The following OPA1 variants were observed in gnomAD, a reference collection of about 807,000 sequenced individuals.
The protein encoded by OPA1 is OPA1 mitochondrial dynamin like GTPase, also known as dynamin-like GTPase OPA1, mitochondrial.
OPA1 carries 59 observed loss-of-function variants against 152.9 expected under a neutral mutation model. That is an observed-to-expected ratio of 0.39 (90% CI 0.31 to 0.48). The LOEUF is 0.48. Among genes scored for constraint, OPA1 ranks in the 20% least tolerant of loss-of-function variants. The pLI is 0.96. For synonymous variants in OPA1, 400 were observed against 389.9 expected (o/e 1.03, Z -0.31); for missense variants, 1,008 against 1,216.8 (o/e 0.83, Z 2.55).
At chr3:193,689,091 TGA>T (rs1721335297) in intron 29 of OPA1, 1 of 152,208 alleles carries the variant, frequency 6.6e-6, no homozygotes, top group Non-Finnish European at 1.5e-5. Context: ...CAAGGTTGTA[TGA>T]GAACCAAATG....
At chr3:193,678,360 T>C (rs1293916729) in intron 29 of OPA1, among the ~76,000 whole-genome samples, 3 of 152,132 alleles carry the variant, frequency 2.0e-5, no homozygotes, top group Non-Finnish European at 4.4e-5. Context: ...CTAGTGTATA[T>C]GCATTGTGGG....
chr3:193,679,282 G>A (rs1719741193), intron 29 of OPA1, among the ~76,000 whole-genome samples: 1 of 141,020 alleles, frequency 7.1e-6, no homozygotes, highest in Non-Finnish European at 1.6e-5. Context: ...GAAAAAAAAG[G>A]TTTCAAAACT....
At chr3:193,642,058 G>A (rs2109034763) in intron 11 of OPA1, among the ~76,000 whole-genome samples, 1 of 152,374 alleles carries the variant, frequency 6.6e-6, no homozygotes, top group South Asian at 2.1e-4. Context: ...GGAGGTTGCA[G>A]TGAGCCGAGA....
intron 9 of OPA1, 55 bp from the exon 10 acceptor site, chr3:193,637,140 T>C (rs1733064887): frequency 2.1e-6 from 2 of 935,008 alleles, no homozygotes; most frequent in South Asian, 1.5e-5. Context: ...ACATCTGTTA[T>C]ATTTTTTTCT....
Position 193,666,282 on chromosome 3 carries a change from A to G in OPA1, c.2779-14A>G, listed in dbSNP as rs1716523877. 1 of 1,607,122 alleles carries G rather than the reference A, an allele frequency of 6.2e-7. No homozygotes were observed. The highest frequency in any genetic ancestry group is 1.1e-5 in the South Asian group (1 of 90,936). On this transcript the variant is annotated splice_polypyrimidine_tract_variant and intron_variant, in intron 27 of 30. Coordinates refer to ENST00000361510, the MANE Select transcript of OPA1 (RefSeq NM_130837.3). ...AACTTTGCATCTGGTAATCTTAGTT[A>G]CTTAATATTTCAGTTGGAATGCAAT...
intron 11 of OPA1, among the ~76,000 whole-genome samples, chr3:193,639,777 G>A (rs1733486131): frequency 1.3e-5 from 2 of 152,258 alleles, no homozygotes; most frequent in South Asian, 4.1e-4. Context: ...GAACCAGGGA[G>A]TCTAGGCTAC....
intron 1 of OPA1, among the ~76,000 whole-genome samples, chr3:193,597,785 C>G (rs953475824): frequency 1.3e-5 from 2 of 151,388 alleles, no homozygotes; most frequent in Non-Finnish European, 2.9e-5. Flanking sequence ...CTTTTTTTCC[C>G]CCTTTTAAGA....
intron 29 of OPA1, among the ~76,000 whole-genome samples, chr3:193,684,507 G>GTGGCAT (rs1720663112): frequency 6.8e-6 from 1 of 146,516 alleles, no homozygotes; most frequent in African/African-American, 2.6e-5. Context: ...CTGGAGTGCA[G>GTGGCAT]TGGCATGATC....
chr3:193,664,336 A>G (rs1716012120), intron 26 of OPA1, among the ~76,000 whole-genome samples: 2 of 152,026 alleles, frequency 1.3e-5, no homozygotes, highest in Admixed American at 6.6e-5. Context: ...ATGTTTTTCT[A>G]GTTAACATTA....
chr3:193,629,513 A>G (rs1239390591), intron 7 of OPA1, among the ~76,000 whole-genome samples: 2 of 151,852 alleles, frequency 1.3e-5, no homozygotes, highest in Non-Finnish European at 1.5e-5. Context: ...CCTGGCTAAC[A>G]TGGTGAAACC....
At chr3:193,611,841 TTTTC>T (rs768851607) in intron 1 of OPA1, among the ~76,000 whole-genome samples, 5 of 120,190 alleles carry the variant, frequency 4.2e-5, no homozygotes, top group African/African-American at 1.2e-4. Flanking sequence ...TCATCTTTTC[TTTTC>T]TTTTTTTTTT....
At chr3:193,632,717 T>A (rs1732285054) in intron 8 of OPA1, among the ~76,000 whole-genome samples, 1 of 151,662 alleles carries the variant, frequency 6.6e-6, no homozygotes, top group Non-Finnish European at 1.5e-5. Context: ...AAAATTTTTT[T>A]AAAAATTAGC....
chr3:193,626,240 A>G (rs763434515), intron 7 of OPA1, 38 bp downstream of exon 7: 15 of 1,407,944 alleles, frequency 1.1e-5, no homozygotes, highest in Middle Eastern at 1.8e-4. Flanking sequence ...ATACATTCAC[A>G]CTAATCAGCC....
At chr3:193,686,585 T>C (rs1481179101) in intron 29 of OPA1, among the ~76,000 whole-genome samples, 1 of 152,216 alleles carries the variant, frequency 6.6e-6, no homozygotes, top group East Asian at 1.9e-4. Flanking sequence ...GAATCTTGAG[T>C]GTAGTCTCTT....
Position 193,641,028 on chromosome 3 carries a change from C to T in OPA1, c.1150-1737C>T, listed in dbSNP as rs145135443. The stretch of plus-strand genomic sequence containing the variant: ...AGACTTTACATATCCATTTTACTAC[C>T]GATGGGAATTTGGGGTACATCTAAC... On this transcript the variant is annotated intron_variant, in intron 11 of 30. Transcript: ENST00000361510. Among the ~76,000 whole-genome samples the T allele has an allele frequency of 1.1e-4, 17 of 152,062 alleles. No homozygotes were observed. The East Asian group carries it at 2.5e-3, about 23-fold the overall frequency.
intron 1 of OPA1, among the ~76,000 whole-genome samples, chr3:193,594,081 T>TA (rs2108760142): frequency 6.6e-6 from 1 of 152,338 alleles, no homozygotes; most frequent in South Asian, 2.1e-4. Context: ...CAATCATTGT[T>TA]GCCCTGGGGT....
chr3:193,648,332 G>A (rs111583399), intron 20 of OPA1, 198 bp downstream of exon 20: 1 of 496,254 alleles, frequency 2.0e-6, no homozygotes, highest in African/African-American at 1.9e-5. Flanking sequence ...ATTAAAAATG[G>A]ATTATAAGAT....
At chr3:193,678,563 G>C (rs1279655466) in intron 29 of OPA1, among the ~76,000 whole-genome samples, 1 of 152,024 alleles carries the variant, frequency 6.6e-6, no homozygotes, top group East Asian at 1.9e-4. Context: ...ATTTCCCATC[G>C]CTCAGTGGGC....
chr3:193,608,131 T>G (rs752778179), intron 1 of OPA1, among the ~76,000 whole-genome samples: 10 of 152,222 alleles, frequency 6.6e-5, no homozygotes, highest in Non-Finnish European at 1.5e-4. Flanking sequence ...CTATCAATTT[T>G]GTTGATCTTT....
Sources: gnomAD v4.1 joint callset for allele counts (sites outside exome capture counted in the v4.1 genomes callset) on GRCh38, gnomAD v4.1.1 for gene constraint, MANE v1.5 for transcripts, NCBI Gene and HGNC (gene_info 2026-07-23, HGNC 2026-07-21) for gene names.